Variants in NSMCE2 observed in about 807,000 individuals in gnomAD.
NSMCE2 encodes the protein E3 SUMO-protein ligase NSE2.
A neutral mutation model predicts 23.8 loss-of-function variants in NSMCE2; 24 were observed. The ratio of observed to expected loss-of-function variants is 1.01; its 90% CI spans 0.73 to 1.42. The LOEUF is 1.42. NSMCE2 is among the 40% of genes most tolerant of loss of function. The probability of loss-of-function intolerance (pLI) is 0.00; values close to 1 mark genes in which losing one functional copy is unlikely to be tolerated. For synonymous variants in NSMCE2, 92 were observed against 94.1 expected, an observed-to-expected ratio of 0.98 and a Z score of 0.13; for missense variants, 284 against 296.5, an observed-to-expected ratio of 0.96 and a Z score of 0.31.
chr8:125,108,693 C>T (rs1052436339), intron 3 of NSMCE2, among the ~76,000 whole-genome samples: 6 of 152,140 alleles, frequency 3.9e-5, no homozygotes, highest in African/African-American at 7.2e-5. Flanking sequence ...GAAGAAGGGC[C>T]TGTGATGTGA....
chr8:125,234,246 G>A lies in NSMCE2; in HGVS notation c.418+51990G>A, dbSNP rs77985299. Among the ~76,000 whole-genome samples the A allele has an allele frequency of 4.6e-3, 699 of 152,144 alleles. 8 individuals carry two copies. Among genetic ancestry groups the A allele is most frequent in the African/African-American group, 0.016 (669 of 41,514 alleles). ...TTCCAGGTCCTTGACCAGGCTATAAGTTCTGATTTTTGTCAACATTCATCT... is the reference window on the plus strand; with the variant it reads ...TTCCAGGTCCTTGACCAGGCTATAAATTCTGATTTTTGTCAACATTCATCT... On this transcript the variant is annotated intron_variant, in intron 5 of 7. Coordinates refer to ENST00000287437, the MANE Select transcript of NSMCE2 (RefSeq NM_173685.4).
chr8:125,182,996 A>T lies in NSMCE2; in HGVS notation c.418+740A>T, dbSNP rs541120598. On this transcript the variant is annotated intron_variant, in intron 5 of 7. Transcript: ENST00000287437. ...TATAAATTGATTTTTTCACATTAGC[A>T]TCTATTTAGTCCTGTAGTCTTTGCT... Among the ~76,000 whole-genome samples, 7 of 152,216 alleles carry T rather than the reference A, an allele frequency of 4.6e-5. 1 individual carries two copies. In the South Asian group the frequency reaches 1.2e-3, roughly 27 times the overall value.
intron 5 of NSMCE2, among the ~76,000 whole-genome samples, chr8:125,218,608 C>T (rs1485519732): frequency 6.6e-6 from 1 of 152,024 alleles, no homozygotes; most frequent in Non-Finnish European, 1.5e-5. Context: ...CGTGGGGTTT[C>T]GCCATGTTGG....
At chr8:125,112,442 T>C (rs1818806091) in intron 3 of NSMCE2, among the ~76,000 whole-genome samples, 1 of 152,234 alleles carries the variant, frequency 6.6e-6, no homozygotes, top group South Asian at 2.1e-4. Context: ...CCTTCTCATA[T>C]TCACTGCAAC....
Position 125,231,651 on chromosome 8 carries a change from G to A in NSMCE2, c.418+49395G>A, listed in dbSNP as rs551122715. Among the ~76,000 whole-genome samples the A allele has an allele frequency of 3.1e-3, 469 of 152,278 alleles. 3 individuals carry two copies. Among genetic ancestry groups the A allele is most frequent in the African/African-American group, 0.011 (451 of 41,554 alleles). On this transcript the variant is annotated intron_variant, in intron 5 of 7. Transcript: ENST00000287437. The stretch of plus-strand genomic sequence containing the variant: ...CACCAGTGTGTATCATGCATAGGAA[G>A]AATACTGTTTCATGAAATTTTTTTT...
At chr8:125,220,929 C>G (rs962145246) in intron 5 of NSMCE2, among the ~76,000 whole-genome samples, 1 of 152,162 alleles carries the variant, frequency 6.6e-6, no homozygotes, top group Admixed American at 6.5e-5. Context: ...TTTCTTATAG[C>G]AGGGCTTTCT....
chr8:125,338,777 C>T (rs988157481), intron 5 of NSMCE2, among the ~76,000 whole-genome samples: 3 of 152,088 alleles, frequency 2.0e-5, no homozygotes, highest in Non-Finnish European at 4.4e-5. Context: ...GAAATTTATT[C>T]TAGGAGTAAT....
chr8:125,279,307 A>G (rs934460026), intron 5 of NSMCE2, among the ~76,000 whole-genome samples: 6 of 152,240 alleles, frequency 3.9e-5, no homozygotes, highest in Non-Finnish European at 7.3e-5. Flanking sequence ...CAAATGGTTG[A>G]TTGAGATAGC....
Position 125,102,380 on chromosome 8 carries a change from T to A in NSMCE2, c.50T>A (p.Phe17Tyr), listed in dbSNP as rs1818235750. 6.2e-7 allele frequency: 1 copy of A among 1,613,762 alleles called. No individual in the cohort carries two copies. Among genetic ancestry groups the A allele is most frequent in the East Asian group, 2.2e-5 (1 of 44,872 alleles). Reference protein sequence around the residue: ...SNSGSTGFISFSGVESALSSL... With the variant: ...SNSGSTGFISYSGVESALSSL... The stretch of plus-strand genomic sequence containing the variant: ...TCAGGTTCAACTGGTTTCATCTCCT[T>A]CAGTGGTGTAGAGTCTGCTCTCTCC... Residue 17 changes from phenylalanine (F) to tyrosine (Y), a missense_variant, in exon 3 of 8, where the codon TTC becomes TAC. Physicochemically the swap from Phe to Tyr is conservative, Grantham distance 22. Transcript: ENST00000287437.
intron 3 of NSMCE2, among the ~76,000 whole-genome samples, chr8:125,141,281 TC>T (rs1820363215): frequency 2.0e-5 from 3 of 152,164 alleles, no homozygotes; most frequent in Admixed American, 6.5e-5. Context: ...TCATTTTCTC[TC>T]CTAAAAGAAG....
chr8:125,296,779 T>C (rs1009267279), intron 5 of NSMCE2, among the ~76,000 whole-genome samples: 3 of 152,166 alleles, frequency 2.0e-5, no homozygotes, highest in Non-Finnish European at 4.4e-5. Flanking sequence ...CAATAACTGC[T>C]GAGGAGAAGC....
At chr8:125,099,480 C>G (rs1179661669) in intron 1 of NSMCE2, among the ~76,000 whole-genome samples, 1 of 152,028 alleles carries the variant, frequency 6.6e-6, no homozygotes, top group Non-Finnish European at 1.5e-5. Flanking sequence ...AGCTTGGATT[C>G]TGAACCTGGG....
intron 5 of NSMCE2, among the ~76,000 whole-genome samples, chr8:125,261,198 A>ACAATCACT (rs1474548305): frequency 6.6e-6 from 1 of 152,184 alleles, no homozygotes; most frequent in Non-Finnish European, 1.5e-5. Flanking sequence ...ACACTTATTG[A>ACAATCACT]CAATCACTAT....
chr8:125,105,414 G>A (rs977255495), intron 3 of NSMCE2, among the ~76,000 whole-genome samples: 4 of 151,850 alleles, frequency 2.6e-5, no homozygotes, highest in African/African-American at 7.3e-5. Flanking sequence ...GATTGTATCA[G>A]TTTTTTTCAG....
chr8:125,346,784 G>A (rs1812776795), intron 5 of NSMCE2, among the ~76,000 whole-genome samples: 1 of 152,120 alleles, frequency 6.6e-6, no homozygotes, highest in Non-Finnish European at 1.5e-5. Context: ...TGAATGTGCT[G>A]GGTTTTGATT....
In NSMCE2 at chr8:125,287,914, A is replaced by G. The variant is rs1415104531; in HGVS notation, c.419-69305A>G. Among the ~76,000 whole-genome samples the G allele has an allele frequency of 2.6e-5, 4 of 152,288 alleles. No individual in the cohort carries two copies. In the South Asian group the frequency reaches 8.3e-4, roughly 32 times the overall value. On this transcript the variant is annotated intron_variant, in intron 5 of 7. Transcript: ENST00000287437. ...AAATTTTTGACTACTCGACGCTCCC[A>G]GATACTCATTACTCCCTTGTGCGGG...
chr8:125,113,580 G>T (rs1292162653), intron 3 of NSMCE2, among the ~76,000 whole-genome samples: 1 of 152,104 alleles, frequency 6.6e-6, no homozygotes, highest in Admixed American at 6.6e-5. Context: ...CTAATAAAAA[G>T]AATCATAAGG....
At chr8:125,351,607 T>C (rs928377748) in intron 5 of NSMCE2, among the ~76,000 whole-genome samples, 2 of 152,182 alleles carry the variant, frequency 1.3e-5, no homozygotes, top group African/African-American at 4.8e-5. Flanking sequence ...GTTTTTCTAC[T>C]TATAGTTAGG....
At chr8:125,103,955 T>G (rs1395575995) in intron 3 of NSMCE2, among the ~76,000 whole-genome samples, 1 of 151,972 alleles carries the variant, frequency 6.6e-6, no homozygotes, top group Non-Finnish European at 1.5e-5. Flanking sequence ...GTCATCTCTA[T>G]GTGTATTATG....
Sources: gnomAD v4.1 joint callset for allele counts (sites outside exome capture counted in the v4.1 genomes callset) on GRCh38, gnomAD v4.1.1 for gene constraint, MANE v1.5 for transcripts, NCBI Gene and HGNC (gene_info 2026-07-23, HGNC 2026-07-21) for gene names.